The following AUTS2 variants were observed in gnomAD, a reference collection of about 807,000 sequenced individuals.
AUTS2 encodes the protein autism susceptibility gene 2 protein.
Under a neutral mutation model 112.4 loss-of-function variants are expected in AUTS2, and 17 were observed. The observed-to-expected ratio is 0.15, with a 90% confidence interval of 0.10 to 0.23. The LOEUF (loss-of-function observed/expected upper bound fraction) is 0.23. Ranked by LOEUF, AUTS2 falls within the 10% of genes least tolerant of loss-of-function variation. The pLI is 1.00. For synonymous variants in AUTS2, 751 were observed against 702.7 expected (o/e 1.07, Z -1.09); for missense variants, 1,510 against 1,701.6 (o/e 0.89, Z 1.98).
At chr7:70,110,332 A>G (rs1466472529) in intron 2 of AUTS2, among the ~76,000 whole-genome samples, 1 of 152,210 alleles carries the variant, frequency 6.6e-6, no homozygotes, top group Non-Finnish European at 1.5e-5. Context: ...CCTGGCCAAC[A>G]TGGTGAAACC....
chr7:70,678,474 A>T (rs1311275786), intron 5 of AUTS2, among the ~76,000 whole-genome samples: 1 of 152,244 alleles, frequency 6.6e-6, no homozygotes, highest in Non-Finnish European at 1.5e-5. Context: ...AACAAGAATC[A>T]TAATAGATAT....
intron 4 of AUTS2, among the ~76,000 whole-genome samples, chr7:70,169,379 T>C (rs1274700646): frequency 6.6e-6 from 1 of 152,114 alleles, no homozygotes; most frequent in Non-Finnish European, 1.5e-5. Context: ...TAGCTGCGGC[T>C]ACAGACACGT....
intron 5 of AUTS2, among the ~76,000 whole-genome samples, chr7:70,535,858 G>A (rs187601472): frequency 6.7e-4 from 102 of 152,308 alleles, no homozygotes; most frequent in African/African-American, 2.2e-3. Flanking sequence ...CAATAAAGAG[G>A]ATGGTAGGTG....
intron 2 of AUTS2, among the ~76,000 whole-genome samples, chr7:69,955,176 C>T (rs1797167344): frequency 6.6e-6 from 1 of 152,014 alleles, no homozygotes; most frequent in Non-Finnish European, 1.5e-5. Context: ...TTTCTGTAGC[C>T]TCAAGGGTGT....
chr7:70,046,338 C>A (rs1801502658), intron 2 of AUTS2, among the ~76,000 whole-genome samples: 1 of 152,148 alleles, frequency 6.6e-6, no homozygotes, highest in African/African-American at 2.4e-5. Flanking sequence ...AATGGATACA[C>A]CTTAATATCT....
chr7:69,786,456 G>T (rs930531426), intron 1 of AUTS2, among the ~76,000 whole-genome samples: 2 of 152,222 alleles, frequency 1.3e-5, no homozygotes, highest in Non-Finnish European at 2.9e-5. Context: ...TAGGACATTG[G>T]TGGGGAAAAA....
intron 10 of AUTS2, among the ~76,000 whole-genome samples, chr7:70,769,077 G>C (rs1790145747): frequency 6.6e-6 from 1 of 152,008 alleles, no homozygotes; most frequent in African/African-American, 2.4e-5. Flanking sequence ...TTAGTCAAGA[G>C]GTTAGCTGAG....
chr7:69,683,090 C>T (rs1438237407), intron 1 of AUTS2, among the ~76,000 whole-genome samples: 3 of 152,134 alleles, frequency 2.0e-5, no homozygotes, highest in East Asian at 1.9e-4. Context: ...GGGGGAATGC[C>T]GTAGGTTATA....
chr7:70,278,334 T>C (rs1487793604), intron 4 of AUTS2, among the ~76,000 whole-genome samples: 1 of 152,134 alleles, frequency 6.6e-6, no homozygotes, highest in Non-Finnish European at 1.5e-5. Context: ...ATCCCAGCAC[T>C]TTGGGAGGCT....
intron 5 of AUTS2, among the ~76,000 whole-genome samples, chr7:70,512,543 C>T (rs146928537): frequency 5.9e-5 from 9 of 152,214 alleles, no homozygotes; most frequent in African/African-American, 2.2e-4. Flanking sequence ...TCCCGCTCCT[C>T]AGTAGGAAAA....
At chr7:69,917,859 T>TTGTTGTTGTTGC (rs1562967756) in intron 2 of AUTS2, among the ~76,000 whole-genome samples, 1 of 151,644 alleles carries the variant, frequency 6.6e-6, no homozygotes, top group African/African-American at 2.4e-5. Context: ...GTTGTTGTTG[T>TTGTTGTTGTTGC]TGCGACGGAG....
intron 4 of AUTS2, among the ~76,000 whole-genome samples, chr7:70,356,275 G>T (rs562614806): frequency 1.8e-4 from 27 of 152,202 alleles, no homozygotes; most frequent in Admixed American, 4.6e-4. Context: ...TCAAGTTTCA[G>T]TCTGTCTCTT....
intron 4 of AUTS2, among the ~76,000 whole-genome samples, chr7:70,259,518 C>G (rs941055433): frequency 6.6e-6 from 1 of 152,132 alleles, no homozygotes; most frequent in African/African-American, 2.4e-5. Flanking sequence ...CCTCACCAAG[C>G]CTAATTCCTT....
At chr7:70,012,566 T>A (rs1476577245) in intron 2 of AUTS2, among the ~76,000 whole-genome samples, 2 of 152,204 alleles carry the variant, frequency 1.3e-5, no homozygotes, top group South Asian at 4.1e-4. Context: ...TGCTTCTTAT[T>A]TCCTCATCTC....
At chr7:70,482,298 C>T (rs1162167144) in intron 5 of AUTS2, among the ~76,000 whole-genome samples, 1 of 152,166 alleles carries the variant, frequency 6.6e-6, no homozygotes, top group Non-Finnish European at 1.5e-5. Flanking sequence ...GCACTTCGTC[C>T]TCCTCCTGTA....
intron 1 of AUTS2, among the ~76,000 whole-genome samples, chr7:69,892,841 T>TA (rs1192467644): frequency 2.6e-5 from 4 of 152,242 alleles, no homozygotes; most frequent in Non-Finnish European, 4.4e-5. Flanking sequence ...ACCATTTGTT[T>TA]AAAAAACTTA....
chr7:69,911,536 T>C (rs548570117), intron 2 of AUTS2, among the ~76,000 whole-genome samples: 1 of 152,202 alleles, frequency 6.6e-6, no homozygotes, highest in African/African-American at 2.4e-5. Flanking sequence ...AGCAGACAAC[T>C]GGAGTGTGAG....
intron 1 of AUTS2, among the ~76,000 whole-genome samples, chr7:69,835,108 G>C (rs972746800): frequency 6.6e-6 from 1 of 151,774 alleles, no homozygotes; most frequent in Non-Finnish European, 1.5e-5. Flanking sequence ...AGTGGACCTT[G>C]TACAGTCTCT....
chr7:70,115,532 A>G, intron 2 of AUTS2, among the ~76,000 whole-genome samples: 1 of 152,242 alleles, frequency 6.6e-6, no homozygotes, highest in East Asian at 1.9e-4. Context: ...AACGTACTAT[A>G]GTCAGGTACC....
Sources: allele counts gnomAD v4.1 joint callset (sites outside exome capture counted in the v4.1 genomes callset), GRCh38; gene constraint gnomAD v4.1.1; transcripts MANE v1.5; gene names NCBI Gene and HGNC (gene_info 2026-07-23, HGNC 2026-07-21).